The following MDM4 variants were observed in gnomAD, a reference collection of about 807,000 sequenced individuals.
MDM4 encodes protein Mdm4.
A neutral mutation model predicts 60.2 loss-of-function variants in MDM4; 2 were observed. That is an observed-to-expected ratio of 0.03 (90% CI 0.01 to 0.10). MDM4 has a LOEUF of 0.10. Among genes scored for constraint, MDM4 ranks in the 10% least tolerant of loss-of-function variants. The pLI, the probability that MDM4 is intolerant of heterozygous loss-of-function variation, is 1.00. For synonymous variants in MDM4, 202 were observed against 198.1 expected (o/e 1.02, Z -0.17); for missense variants, 447 against 577.5 (o/e 0.77, Z 2.32).
At chr1:204,533,238 C>G (rs1314969515) in intron 5 of MDM4, among the ~76,000 whole-genome samples, 2 of 152,242 alleles carry the variant, frequency 1.3e-5, no homozygotes, top group African/African-American at 4.8e-5. Context: ...GGTAAATAAA[C>G]TGGACAGACT....
chr1:204,542,240 T>A (rs1338011304), intron 7 of MDM4, among the ~76,000 whole-genome samples: 1 of 152,230 alleles, frequency 6.6e-6, no homozygotes, highest in African/African-American at 2.4e-5. Flanking sequence ...TTATTGAGAA[T>A]TGACCCAGAA....
At chr1:204,541,648 C>T (rs1245628884) in intron 7 of MDM4, among the ~76,000 whole-genome samples, 1 of 151,298 alleles carries the variant, frequency 6.6e-6, no homozygotes, top group Non-Finnish European at 1.5e-5. Flanking sequence ...TTTTCATTTC[C>T]TTCATAAGTT....
Position 204,516,431 on chromosome 1 carries a change from C to G in MDM4, c.-114C>G, listed in dbSNP as rs925289853. 6.6e-6 allele frequency: 1 copy of G among 152,272 alleles called. No individual in the cohort carries two copies. The highest frequency in any genetic ancestry group is 6.5e-5 in the Admixed American group (1 of 15,280). The allele number at this position is 152,272 out of a possible 1,614,324, so 9.4% of individuals were successfully genotyped here. On this transcript the variant is annotated 5_prime_UTR_variant, in exon 1 of 11. Coordinates refer to ENST00000367182, the MANE Select transcript of MDM4 (RefSeq NM_002393.5). ...ATTACTCGCCATTTCAAAATGCTGC[C>G]GAGGCCCTAGGATCTGTGACTGCCA... is the stretch of plus-strand genomic sequence containing the variant.
chr1:204,537,593 G>T, intron 6 of MDM4, 96 bp downstream of exon 6: 3 of 860,062 alleles, frequency 3.5e-6, no homozygotes, highest in South Asian at 2.9e-5. Context: ...CCTGAATGTG[G>T]TAAGAATTTA....
rs1372026646 is a variant in MDM4 at position 204,545,153 on chromosome 1, C to T, written c.822+469C>T. Among the ~76,000 whole-genome samples, 18 of 152,142 alleles carry T rather than the reference C, an allele frequency of 1.2e-4. 1 individual carries two copies. Among genetic ancestry groups the T allele is most frequent in the Non-Finnish European group, 1.8e-4 (12 of 68,034 alleles). On this transcript the variant is annotated intron_variant, in intron 9 of 10. Coordinates refer to ENST00000367182, the MANE Select transcript of MDM4 (RefSeq NM_002393.5). ...CCAAGACAATTCTTCCAGTGTGACC[C>T]AGGGAAGCCAAAAGGTTGGACACCC...
chr1:204,537,889 G>A (rs767679518), intron 6 of MDM4: 10 of 678,362 alleles, frequency 1.5e-5, no homozygotes, highest in Non-Finnish European at 2.0e-5. Context: ...GGTACGTGGC[G>A]AGGGTTTCAT....
In MDM4 at chr1:204,538,225, G is replaced by C; in HGVS notation, c.428G>C (p.Ser143Thr). ...QDQLKQSAEE[S>T]STSRKRTTED... The stretch of plus-strand genomic sequence containing the variant: ...TTCTTTCAGCAAAGTGCAGAGGAAA[G>C]TTCCACTTCCAGAAAAAGAACTACA... The change falls in exon 7 of 11, where the codon AGT becomes ACT. Residue 143 changes from serine (S) to threonine (T), a missense_variant. Coordinates refer to ENST00000367182, the MANE Select transcript of MDM4 (RefSeq NM_002393.5). 1 of 1,607,548 alleles carries C rather than the reference G, an allele frequency of 6.2e-7. No individual in the cohort carries two copies. Among genetic ancestry groups the C allele is most frequent in the Non-Finnish European group, 8.5e-7 (1 of 1,174,040 alleles).
At chr1:204,533,733 T>A (rs1661094218) in intron 5 of MDM4, among the ~76,000 whole-genome samples, 1 of 152,146 alleles carries the variant, frequency 6.6e-6, no homozygotes. Flanking sequence ...ATAAGTAGGT[T>A]GAGAAGAATC....
intron 1 of MDM4, among the ~76,000 whole-genome samples, chr1:204,521,068 T>G (rs1051146731): frequency 1.4e-4 from 21 of 152,176 alleles, no homozygotes; most frequent in Non-Finnish European, 2.9e-5. Context: ...ACTTACTCAT[T>G]GGGTGATCTT....
rs1309338761 is a variant in MDM4 at position 204,550,087 on chromosome 1, C to T, written c.*405C>T. 8.5e-6 allele frequency: 2 copies of T among 235,672 alleles called. No homozygotes were observed. Among genetic ancestry groups the T allele is most frequent in the African/African-American group, 4.4e-5 (2 of 45,336 alleles). 14.6% of individuals were successfully genotyped at this position (235,672 alleles called of 1,614,324 possible). On this transcript the variant is annotated 3_prime_UTR_variant, in exon 11 of 11. Coordinates refer to ENST00000367182, the MANE Select transcript of MDM4 (RefSeq NM_002393.5). ...TCACCCCAAAACACTCCCTTCTGCC[C>T]CTCTTCAGACAGTCCTTCAGCTATT...
rs1457164460 is a variant in MDM4 at position 204,538,271 on chromosome 1, G to A, written c.474G>A (p.Leu158=). 6.2e-7 allele frequency: 1 copy of A among 1,608,326 alleles called. No individual in the cohort carries two copies. Among genetic ancestry groups the A allele is most frequent in the Non-Finnish European group, 8.5e-7 (1 of 1,174,712 alleles). The change falls in exon 7 of 11, where the codon CTG becomes CTA. Residue 158 remains leucine (L), a synonymous_variant. Coordinates refer to ENST00000367182, the MANE Select transcript of MDM4 (RefSeq NM_002393.5). Reference sequence around the variant, plus strand: ...CTACAGAAGACGATATCCCCACACTGCCTACCTCAGAGCATAAATGCATAC... The same window carrying A: ...CTACAGAAGACGATATCCCCACACTACCTACCTCAGAGCATAAATGCATAC... ...KRTTEDDIPT[L]PTSEHKCIHS... is the part of the protein sequence containing the mutation.
At position 204,549,691 on chromosome 1, in the gene MDM4, C is replaced by T. The variant is rs540436943; in HGVS notation, c.*9C>T. The T allele has an allele frequency of 2.5e-5, 36 of 1,437,090 alleles. No individual in the cohort carries two copies. The East Asian group carries it at 4.9e-4, about 19-fold the overall frequency. 89.0% of individuals were successfully genotyped at this position (1,437,090 alleles called of 1,614,324 possible). A position where few individuals can be genotyped will look rare whatever the true frequency, so the allele number is the denominator to read the frequency against. On this transcript the variant is annotated 3_prime_UTR_variant, in exon 11 of 11. Coordinates refer to ENST00000367182, the MANE Select transcript of MDM4 (RefSeq NM_002393.5). ...AGGTTTTTATAGCATAATGGTAGTA[C>T]GAACATAAAAATGCATTTATTCCGT... is the stretch of plus-strand genomic sequence containing the variant.
At chr1:204,542,190 T>C (rs1662162960) in intron 7 of MDM4, among the ~76,000 whole-genome samples, 1 of 152,224 alleles carries the variant, frequency 6.6e-6, no homozygotes, top group African/African-American at 2.4e-5. Flanking sequence ...ACCTAGAGTT[T>C]AGTGTTTTAT....
rs1466329488 is a variant in MDM4 at position 204,552,702 on chromosome 1, A to T, written c.*3020A>T. ...TATTTGATCCTAAATTTGACACATC[A>T]TTGCCCATGAAAGAATCCTCTTAGG... On this transcript the variant is annotated 3_prime_UTR_variant, in exon 11 of 11. Coordinates refer to ENST00000367182, the MANE Select transcript of MDM4 (RefSeq NM_002393.5). The T allele has an allele frequency of 5.5e-6, 1 of 180,696 alleles. No homozygotes were observed. The highest frequency in any genetic ancestry group is 2.0e-4 in the South Asian group (1 of 5,072). 11.2% of individuals were successfully genotyped at this position (180,696 alleles called of 1,614,324 possible).
chr1:204,555,303 C>T lies in MDM4; in HGVS notation c.*5621C>T, dbSNP rs1446199952. On this transcript the variant is annotated 3_prime_UTR_variant, in exon 11 of 11. Coordinates refer to ENST00000367182, the MANE Select transcript of MDM4 (RefSeq NM_002393.5). ...CCTAGTAGCTGGGACTATAGGCGCC[C>T]GCCACCACGCCTGGCTAATTTTTGT... is the stretch of plus-strand genomic sequence containing the variant. The T allele has an allele frequency of 1.8e-5, 3 of 167,350 alleles. No homozygotes were observed. Among genetic ancestry groups the T allele is most frequent in the Non-Finnish European group, 2.6e-5 (2 of 76,940 alleles). 10.4% of individuals were successfully genotyped at this position (167,350 alleles called of 1,614,324 possible). A position where few individuals can be genotyped will look rare whatever the true frequency, so the allele number is the denominator to read the frequency against.
intron 3 of MDM4, among the ~76,000 whole-genome samples, chr1:204,527,786 T>C (rs1432481294): frequency 2.0e-5 from 3 of 152,172 alleles, no homozygotes; most frequent in Non-Finnish European, 4.4e-5. Context: ...AGTATTAAAA[T>C]GTTAATGTTG....
intron 10 of MDM4, among the ~76,000 whole-genome samples, chr1:204,548,308 A>G (rs1039353652): frequency 2.0e-5 from 3 of 152,206 alleles, no homozygotes; most frequent in Admixed American, 6.5e-5. Flanking sequence ...AGTTTAACAC[A>G]TGGTTGTGCC....
In MDM4 at chr1:204,552,783, G is replaced by A; in HGVS notation, c.*3101G>A. The A allele has an allele frequency of 5.4e-6, 1 of 183,936 alleles. No homozygotes were observed. Among genetic ancestry groups the A allele is most frequent in the East Asian group, 8.7e-5 (1 of 11,432 alleles). 11.4% of individuals were successfully genotyped at this position (183,936 alleles called of 1,614,324 possible). ...CCGGGGTTTTTCACTGCTTCTGTTA[G>A]CACTAAGTACTTAGACGATCCTAAG... On this transcript the variant is annotated 3_prime_UTR_variant, in exon 11 of 11. Transcript: ENST00000367182.
chr1:204,531,628 A>G (rs2102357011), intron 4 of MDM4, among the ~76,000 whole-genome samples: 1 of 152,228 alleles, frequency 6.6e-6, no homozygotes, highest in Non-Finnish European at 1.5e-5. Flanking sequence ...TCAGGAGTTC[A>G]AGACCAGCCT....
Sources: gnomAD v4.1 joint callset for allele counts (sites outside exome capture counted in the v4.1 genomes callset) on GRCh38, gnomAD v4.1.1 for gene constraint, MANE v1.5 for transcripts, NCBI Gene and HGNC (gene_info 2026-07-23, HGNC 2026-07-21) for gene names.